TTYH1: variants seen among roughly 807,000 people sequenced by gnomAD.
The protein encoded by TTYH1 is tweety family member 1, also known as protein tweety homolog 1.
A neutral mutation model predicts 61.2 loss-of-function variants in TTYH1; 33 were observed. The observed-to-expected ratio is 0.54, with a 90% CI of 0.41 to 0.72. TTYH1 has a LOEUF of 0.72. Ranked by LOEUF, TTYH1 falls within the 30% of genes least tolerant of loss-of-function variation. TTYH1 has a pLI of 0.00. For missense variants in TTYH1, 538 were observed against 575.8 expected (o/e 0.93, Z 0.67); for synonymous variants, 308 against 266.4 (o/e 1.16, Z -1.52).
Position 54,436,120 on chromosome 19 carries a change from GTCTA to G in TTYH1, c.1348_1351del (p.Ile450GlufsTer26), listed in dbSNP as rs768973830. The G allele has an allele frequency of 1.2e-6, 2 of 1,614,124 alleles. No homozygotes were observed. The highest frequency in any genetic ancestry group is 2.2e-5 in the East Asian group (1 of 44,878). ...CCAAGCGCTTTGTGCAGTGGCAGTC[GTCTA>G]TCTGAGCCCCTCCTCCCGGCTGGAC... On this transcript the variant is annotated frameshift_variant, in exon 13 of 14. Transcript: ENST00000376530. LOFTEE classifies it high-confidence loss of function. The surrounding 1 kb of genome is among the most constrained non-coding windows in gnomAD (Gnocchi z 4.3).
rs1569255638 is a variant in TTYH1 at position 54,422,277 on chromosome 19, G to C, written c.505G>C (p.Val169Leu). ...GGTGCTCGAGCCGCGCACGGAGCTGGTGGCTGCCGCCCGAGGGGCTCGACG... is the reference window on the plus strand; with the variant it reads ...GGTGCTCGAGCCGCGCACGGAGCTGCTGGCTGCCGCCCGAGGGGCTCGACG... ...EEVLEPRTEL[V>L]AAARGARRQA... is the part of the protein sequence containing the mutation. Residue 169 changes from valine (V) to leucine (L), a missense_variant, in exon 4 of 14, where the codon GTG becomes CTG. Around this residue, in one of 3 missense-constraint regions of TTYH1, gnomAD observed 378 missense variants for 401.2 expected, o/e 0.94. Transcript: ENST00000376530. The C allele has an allele frequency of 6.4e-7, 1 of 1,567,364 alleles. No individual in the cohort carries two copies. The highest frequency in any genetic ancestry group is 1.9e-5 in the Admixed American group (1 of 51,848).
At chr19:54,427,937 G>A (rs2081046224) in intron 5 of TTYH1, among the ~76,000 whole-genome samples, 1 of 152,030 alleles carries the variant, frequency 6.6e-6, no homozygotes, top group South Asian at 2.1e-4. Context: ...TTTTGAGAAG[G>A]TCTTGCTTTG....
chr19:54,421,250 G>A lies in TTYH1; in HGVS notation c.306-27G>A. The A allele has an allele frequency of 6.5e-7, 1 of 1,542,608 alleles. No individual in the cohort carries two copies. The highest frequency in any genetic ancestry group is 1.4e-5 in the African/African-American group (1 of 73,618). On this transcript the variant is annotated intron_variant, in intron 2 of 13. Coordinates refer to ENST00000376530, the MANE Select transcript of TTYH1 (RefSeq NM_020659.4). The surrounding 1 kb of genome is among the most constrained non-coding windows in gnomAD (Gnocchi z 4.8). ...CCCCCGGGGTCCTGGGACCCGCTGA[G>A]ATTCCTCTCCCTCCTCCTCCGCTCA...
chr19:54,433,221 C>T (rs996024377), intron 10 of TTYH1: 1 of 152,228 alleles, frequency 6.6e-6, no homozygotes, highest in African/African-American at 2.4e-5. Context: ...GGGTCTCCAT[C>T]TCCCCTGTCA....
Position 54,416,991 on chromosome 19 carries a change from C to G in TTYH1, c.126+1313C>G. ...GGTCAGGGTCAGGGTGGCAGGGATG[C>G]GCGGGCAGAGCCCCACAGCCGAGGA... On this transcript the variant is annotated intron_variant, in intron 1 of 13. Coordinates refer to ENST00000376530, the MANE Select transcript of TTYH1 (RefSeq NM_020659.4). This position sits in a 1 kb window ranked among gnomAD's most constrained non-coding sequence, Gnocchi z 7.0. The G allele has an allele frequency of 8.3e-7, 1 of 1,201,486 alleles. No homozygotes were observed. The highest frequency in any genetic ancestry group is 1.1e-6 in the Non-Finnish European group (1 of 947,236). 74.4% of individuals were successfully genotyped at this position (1,201,486 alleles called of 1,614,324 possible).
chr19:54,431,619 C>T (rs1471443662), intron 10 of TTYH1: 16 of 209,980 alleles, frequency 7.6e-5, no homozygotes. Flanking sequence ...CACCTAACTT[C>T]TCTGTACCTC....
Position 54,419,247 on chromosome 19 carries a change from C to A in TTYH1, c.246C>A (p.Ile82=). Residue 82 remains isoleucine (I), a synonymous_variant, in exon 2 of 14, where the codon ATC becomes ATA. Coordinates refer to ENST00000376530, the MANE Select transcript of TTYH1 (RefSeq NM_020659.4). This position sits in a 1 kb window ranked among gnomAD's most constrained non-coding sequence, Gnocchi z 6.1. ...CRPPEPPGSK[I]PSPGGGCVTW... Reference sequence around the variant, plus strand: ...CCCCCGAGCCCCCCGGGTCCAAGATCCCCTCGCCCGGGGGAGGCTGCGTCA... The same window carrying A: ...CCCCCGAGCCCCCCGGGTCCAAGATACCCTCGCCCGGGGGAGGCTGCGTCA... The A allele has an allele frequency of 6.2e-7, 1 of 1,608,322 alleles. No homozygotes were observed. Among genetic ancestry groups the A allele is most frequent in the Non-Finnish European group, 8.5e-7 (1 of 1,179,890 alleles).
In TTYH1 at chr19:54,429,426, G is replaced by A; in HGVS notation, c.807+47G>A. Reference sequence around the variant, plus strand: ...TTGGGCTCTGGGACTCAGGGGGCCTGGAGACTTCAACTTCTGGATCTCGGG... The same window carrying A: ...TTGGGCTCTGGGACTCAGGGGGCCTAGAGACTTCAACTTCTGGATCTCGGG... On this transcript the variant is annotated intron_variant, in intron 6 of 13. Coordinates refer to ENST00000376530, the MANE Select transcript of TTYH1 (RefSeq NM_020659.4). This position sits in a 1 kb window ranked among gnomAD's most constrained non-coding sequence, Gnocchi z 5.1. 1 of 1,559,018 alleles carries A rather than the reference G, an allele frequency of 6.4e-7. No homozygotes were observed. The highest frequency in any genetic ancestry group is 8.8e-7 in the Non-Finnish European group (1 of 1,133,170).
At position 54,436,872 on chromosome 19, in the gene TTYH1, T is replaced by TAAAAA. The variant is rs111972166; in HGVS notation, c.*597_*601dup. 2 of 129,340 alleles carry TAAAAA rather than the reference T, an allele frequency of 1.5e-5. No homozygotes were observed. The highest frequency in any genetic ancestry group is 4.3e-4 in the East Asian group (2 of 4,652). The allele number at this position is 129,340 out of a possible 1,614,324, so 8.0% of individuals were successfully genotyped here. A position where few individuals can be genotyped will look rare whatever the true frequency, so the allele number is the denominator to read the frequency against. ...CAAGGGGTCCAAAGACATTGTTCTT[T>TAAAAA]AAAAAAAAAAAAAAAAAAATCAAAA... On this transcript the variant is annotated 3_prime_UTR_variant, in exon 14 of 14. Coordinates refer to ENST00000376530, the MANE Select transcript of TTYH1 (RefSeq NM_020659.4). The surrounding 1 kb of genome is among the most constrained non-coding windows in gnomAD (Gnocchi z 4.3).
chr19:54,415,560 C>T lies in TTYH1; in HGVS notation c.8C>T (p.Ala3Val). MG[A>V]PPGYRPSAWV... Reference sequence around the variant, plus strand: ...CCCCCTCCCCCGGGGGCCATGGGGGCGCCCCCGGGCTACCGGCCCTCAGCT... The same window carrying T: ...CCCCCTCCCCCGGGGGCCATGGGGGTGCCCCCGGGCTACCGGCCCTCAGCT... The change falls in exon 1 of 14, where the codon GCG becomes GTG. Residue 3 changes from alanine (A) to valine (V), a missense_variant. Physicochemically the swap from Ala to Val is moderately conservative, Grantham distance 64. Coordinates refer to ENST00000376530, the MANE Select transcript of TTYH1 (RefSeq NM_020659.4). The surrounding 1 kb of genome is among the most constrained non-coding windows in gnomAD (Gnocchi z 5.2). 5 of 1,475,310 alleles carry T rather than the reference C, an allele frequency of 3.4e-6. No homozygotes were observed. Among genetic ancestry groups the T allele is most frequent in the Admixed American group, 2.4e-5 (1 of 42,490 alleles). The allele number at this position is 1,475,310 out of a possible 1,614,324, so 91.4% of individuals were successfully genotyped here. A position where few individuals can be genotyped will look rare whatever the true frequency, so the allele number is the denominator to read the frequency against.
chr19:54,423,933 C>T (rs537316536), intron 4 of TTYH1, among the ~76,000 whole-genome samples: 1 of 152,248 alleles, frequency 6.6e-6, no homozygotes, highest in East Asian at 1.9e-4. Flanking sequence ...GAAGCCGAGG[C>T]AGGCGGATCA....
rs1449872109 is a variant in TTYH1, at chr19:54,416,077, C to A, written c.126+399C>A. 5 of 1,305,810 alleles carry A rather than the reference C, an allele frequency of 3.8e-6. No individual in the cohort carries two copies. Among genetic ancestry groups the A allele is most frequent in the African/African-American group, 1.5e-5 (1 of 65,928 alleles). The allele number at this position is 1,305,810 out of a possible 1,614,324, so 80.9% of individuals were successfully genotyped here. A position where few individuals can be genotyped will look rare whatever the true frequency, so the allele number is the denominator to read the frequency against. ...ACAGGATCAGAGCAGGTGAATATGT[C>A]CCAGATAAGGTGGGACCCAGGAGAC... On this transcript the variant is annotated intron_variant, in intron 1 of 13. Transcript: ENST00000376530. The surrounding 1 kb of genome is among the most constrained non-coding windows in gnomAD (Gnocchi z 7.0).
At chr19:54,422,979 G>A (rs956782445) in intron 4 of TTYH1, among the ~76,000 whole-genome samples, 11 of 150,014 alleles carry the variant, frequency 7.3e-5, no homozygotes, top group African/African-American at 2.4e-4. Flanking sequence ...TACTGTGGAG[G>A]GACAGATCAC....
chr19:54,435,627 G>A lies in TTYH1; in HGVS notation c.1211G>A (p.Gly404Glu), dbSNP rs1384518642. ...FLLLFSLLSA[G>E]ALATALCSLP... is the part of the protein sequence containing the mutation. ...CTACTCTTCTCCCTGCTGTCTGCAG[G>A]AGCGCTGGCCACTGCCCTCTGCAGC... is the stretch of plus-strand genomic sequence containing the variant. The change falls in exon 11 of 14, where the codon GGA becomes GAA. Residue 404 changes from glycine (G) to glutamate (E), a missense_variant. This residue lies in a region of TTYH1 where 378 missense variants were observed against 401.2 expected (regional missense o/e 0.94). Coordinates refer to ENST00000376530, the MANE Select transcript of TTYH1 (RefSeq NM_020659.4). The A allele has an allele frequency of 1.9e-6, 3 of 1,612,040 alleles. No individual in the cohort carries two copies. The highest frequency in any genetic ancestry group is 1.7e-5 in the Admixed American group (1 of 59,946).
Position 54,416,979 on chromosome 19 carries a change from G to A in TTYH1, c.126+1301G>A. The A allele has an allele frequency of 8.2e-7, 1 of 1,213,660 alleles. No homozygotes were observed. Among genetic ancestry groups the A allele is most frequent in the South Asian group, 1.4e-5 (1 of 69,490 alleles). 75.2% of individuals were successfully genotyped at this position (1,213,660 alleles called of 1,614,324 possible). The stretch of plus-strand genomic sequence containing the variant: ...CCCACGGTCGGGGGTCAGGGTCAGG[G>A]TGGCAGGGATGCGCGGGCAGAGCCC... On this transcript the variant is annotated intron_variant, in intron 1 of 13. Coordinates refer to ENST00000376530, the MANE Select transcript of TTYH1 (RefSeq NM_020659.4). This position sits in a 1 kb window ranked among gnomAD's most constrained non-coding sequence, Gnocchi z 7.0.
intron 4 of TTYH1, among the ~76,000 whole-genome samples, chr19:54,425,874 C>T (rs546128239): frequency 3.3e-5 from 5 of 152,210 alleles, no homozygotes; most frequent in Admixed American, 1.3e-4. Flanking sequence ...CACCACCACG[C>T]CCGGCTAATT....
At chr19:54,430,377 T>C (rs1244120839) in intron 7 of TTYH1, among the ~76,000 whole-genome samples, 173 bp from the exon 8 acceptor site, 4 of 152,052 alleles carry the variant, frequency 2.6e-5, no homozygotes, top group Admixed American at 6.5e-5. Flanking sequence ...GCTCTGGCTG[T>C]GGCAGGAGCA....
intron 9 of TTYH1, 54 bp from the exon 10 acceptor site, chr19:54,431,045 G>T: frequency 1.3e-6 from 2 of 1,533,560 alleles, no homozygotes; most frequent in Non-Finnish European, 9.0e-7. Context: ...CGGGGCCAGG[G>T]CGATGGGCGG....
chr19:54,428,087 T>G (rs962557577), intron 5 of TTYH1, among the ~76,000 whole-genome samples: 25 of 137,178 alleles, frequency 1.8e-4, no homozygotes, highest in African/African-American at 6.6e-4. Flanking sequence ...AAGTTTTTTT[T>G]TTTTTTTTTT....
Sources: gnomAD v4.1 joint callset for allele counts (sites outside exome capture counted in the v4.1 genomes callset) on GRCh38, gnomAD v4.1.1 for gene constraint, gnomAD v4.1.1 regional missense constraint, Gnocchi (gnomAD v3.1) non-coding constraint, MANE v1.5 for transcripts, NCBI Gene and HGNC (gene_info 2026-07-23, HGNC 2026-07-21) for gene names.